Variants in NKAIN3 observed in about 807,000 individuals in gnomAD.
NKAIN3 encodes the protein sodium/potassium transporting ATPase interacting 3, also known as sodium/potassium-transporting ATPase subunit beta-1-interacting protein 3.
In NKAIN3, 25 loss-of-function variants were observed where a neutral mutation model predicts 30.2. The observed-to-expected ratio is 0.83, with a 90% CI of 0.60 to 1.16. The LOEUF is 1.16. Among genes scored for constraint, NKAIN3 ranks in the 50% most tolerant of loss-of-function variants. The probability of loss-of-function intolerance (pLI) is 0.00; values close to 1 mark genes in which losing one functional copy is unlikely to be tolerated. For synonymous variants in NKAIN3, 91 were observed against 89.6 expected (o/e 1.02, Z -0.09); for missense variants, 225 against 254.1 (o/e 0.89, Z 0.78).
chr8:62,449,781 T>C (rs1487314626), intron 1 of NKAIN3, among the ~76,000 whole-genome samples: 1 of 152,138 alleles, frequency 6.6e-6, no homozygotes, highest in Non-Finnish European at 1.5e-5. Context: ...GAAAACATTG[T>C]GTTTATTGGA....
chr8:62,368,850 G>A (rs1816820442), intron 1 of NKAIN3, among the ~76,000 whole-genome samples: 1 of 149,986 alleles, frequency 6.7e-6, no homozygotes, highest in African/African-American at 2.5e-5. Context: ...CCCTGAATAT[G>A]CACGTGGCTT....
chr8:62,674,153 C>G (rs967578465), intron 3 of NKAIN3, among the ~76,000 whole-genome samples: 2 of 152,184 alleles, frequency 1.3e-5, no homozygotes, highest in African/African-American at 4.8e-5. Flanking sequence ...TGCCTGCAAT[C>G]TGAACCTCCT....
At chr8:62,753,951 T>C (rs1201907021) in intron 4 of NKAIN3, among the ~76,000 whole-genome samples, 1 of 152,112 alleles carries the variant, frequency 6.6e-6, no homozygotes, top group Non-Finnish European at 1.5e-5. Context: ...AGACCATATA[T>C]AAAACATGAA....
intron 4 of NKAIN3, among the ~76,000 whole-genome samples, chr8:62,896,904 A>G (rs1250103355): frequency 6.6e-6 from 1 of 152,210 alleles, no homozygotes; most frequent in Non-Finnish European, 1.5e-5. Context: ...GCAATGAATT[A>G]AGCAAGGAAT....
chr8:62,449,230 T>C (rs1805571021), intron 1 of NKAIN3, among the ~76,000 whole-genome samples: 1 of 152,042 alleles, frequency 6.6e-6, no homozygotes, highest in Non-Finnish European at 1.5e-5. Context: ...TGTGGCATCA[T>C]GGAAATTCCA....
At chr8:62,560,993 C>T (rs1286028874) in intron 1 of NKAIN3, among the ~76,000 whole-genome samples, 1 of 151,952 alleles carries the variant, frequency 6.6e-6, no homozygotes, top group African/African-American at 2.4e-5. Context: ...TTTAATCTCC[C>T]ATTTGTTTCA....
chr8:62,506,936 A>G (rs1045243251), intron 1 of NKAIN3, among the ~76,000 whole-genome samples: 1 of 152,172 alleles, frequency 6.6e-6, no homozygotes, highest in Non-Finnish European at 1.5e-5. Context: ...ATAATGGGTT[A>G]AAAGCATCTT....
At chr8:62,326,093 T>G (rs937309209) in intron 1 of NKAIN3, among the ~76,000 whole-genome samples, 6 of 151,968 alleles carry the variant, frequency 3.9e-5, no homozygotes, top group Non-Finnish European at 8.8e-5. Context: ...TTTGTTACAT[T>G]TATTGAAATA....
rs141227290 is a variant in NKAIN3, at chr8:62,689,209, G to T, written c.274-57723G>T. ...CCTCATCACTAGACCTACTGCTGTT[G>T]TGATGCAACAAAAAGTGCTTGGGTA... On this transcript the variant is annotated intron_variant, in intron 3 of 6. Transcript: ENST00000623646. 5.2e-3 allele frequency among the ~76,000 whole-genome samples: 790 copies of T among 152,174 alleles called. 5 individuals carry two copies. The highest frequency in any genetic ancestry group is 0.018 in the African/African-American group (758 of 41,528).
chr8:62,460,690 C>T (rs563109267), intron 1 of NKAIN3, among the ~76,000 whole-genome samples: 66 of 152,262 alleles, frequency 4.3e-4, no homozygotes, highest in African/African-American at 1.6e-3. Flanking sequence ...TTACTCAAAT[C>T]CTCACTCCCA....
chr8:62,316,934 C>A (rs1286670385), intron 1 of NKAIN3, among the ~76,000 whole-genome samples: 2 of 152,236 alleles, frequency 1.3e-5, no homozygotes, highest in East Asian at 3.9e-4. Flanking sequence ...CTTTCCAGCA[C>A]CTGTTGTTTC....
chr8:62,813,904 T>C (rs919254703), intron 4 of NKAIN3, among the ~76,000 whole-genome samples: 1 of 152,062 alleles, frequency 6.6e-6, no homozygotes, highest in Admixed American at 6.6e-5. Context: ...AAAAATAGCC[T>C]TGCTGTATAT....
rs1810593378 is a variant in NKAIN3 at position 62,589,754 on chromosome 8, T to C, written c.233T>C (p.Phe78Ser). 1 of 1,606,232 alleles carries C rather than the reference T, an allele frequency of 6.2e-7. No homozygotes were observed. Among genetic ancestry groups the C allele is most frequent in the Non-Finnish European group, 8.5e-7 (1 of 1,174,682 alleles). ...GCCCTCTGGGTCACCTGGAATGTGT[T>C]CATTATCTGCTTTTATTTGGAAGTA... ...WTALWVTWNVFIICFYLEVGG... is the reference protein window; with the variant it reads ...WTALWVTWNVSIICFYLEVGG... Residue 78 changes from phenylalanine to serine, a missense_variant, in exon 3 of 7, where the codon TTC becomes TCC. By Grantham distance (155) the Phe-to-Ser change is radical. Coordinates refer to ENST00000623646, the MANE Select transcript of NKAIN3 (RefSeq NM_001304533.3).
Position 62,973,811 on chromosome 8 carries a change from G to T in NKAIN3, c.*8404G>T, listed in dbSNP as rs1353864600. Among the ~76,000 whole-genome samples the T allele has an allele frequency of 6.6e-6, 1 of 152,180 alleles. No individual in the cohort carries two copies. Among genetic ancestry groups the T allele is most frequent in the African/African-American group, 2.4e-5 (1 of 41,436 alleles). On this transcript the variant is annotated 3_prime_UTR_variant, in exon 7 of 7. Coordinates refer to ENST00000623646, the MANE Select transcript of NKAIN3 (RefSeq NM_001304533.3). ...TAATGGCTTTGGGTTTTACATTTAA[G>T]TTTTTAAGCCATCTTGAGTTAATTT...
chr8:62,406,299 C>G (rs531897666), intron 1 of NKAIN3, among the ~76,000 whole-genome samples: 2 of 152,208 alleles, frequency 1.3e-5, no homozygotes, highest in South Asian at 2.1e-4. Context: ...CTCACCTCAC[C>G]TGAATTTGTC....
intron 4 of NKAIN3, among the ~76,000 whole-genome samples, chr8:62,890,229 C>T (rs1263578865): frequency 6.6e-6 from 1 of 152,164 alleles, no homozygotes; most frequent in African/African-American, 2.4e-5. Flanking sequence ...ACTGCCCTTC[C>T]AAGGGGATTA....
chr8:62,481,951 C>T (rs112579766), intron 1 of NKAIN3, among the ~76,000 whole-genome samples: 1 of 152,238 alleles, frequency 6.6e-6, no homozygotes, highest in Non-Finnish European at 1.5e-5. Context: ...CTCACCAGCC[C>T]ACAAAACCCA....
chr8:62,358,391 G>T (rs1286865548), intron 1 of NKAIN3, among the ~76,000 whole-genome samples: 3 of 152,070 alleles, frequency 2.0e-5, no homozygotes, highest in Non-Finnish European at 4.4e-5. Flanking sequence ...GCCATTTAAT[G>T]CATTTTAATG....
intron 2 of NKAIN3, among the ~76,000 whole-genome samples, chr8:62,585,223 G>A (rs974568280): frequency 6.6e-6 from 1 of 152,070 alleles, no homozygotes; most frequent in Non-Finnish European, 1.5e-5. Context: ...CTAAGATGTA[G>A]TGTTGCGAGC....
Sources: allele counts gnomAD v4.1 joint callset (sites outside exome capture counted in the v4.1 genomes callset), GRCh38; gene constraint gnomAD v4.1.1; transcripts MANE v1.5; gene names NCBI Gene and HGNC (gene_info 2026-07-23, HGNC 2026-07-21).